The following ZFYVE9 variants were observed in gnomAD, a reference collection of about 807,000 sequenced individuals.
ZFYVE9 encodes zinc finger FYVE domain-containing protein 9.
A neutral mutation model predicts 126.7 loss-of-function variants in ZFYVE9; 43 were observed. The observed-to-expected ratio is 0.34, with a 90% confidence interval of 0.27 to 0.44. The LOEUF (loss-of-function observed/expected upper bound fraction) is 0.44, where lower values mean the gene tolerates loss of function less well. Among genes scored for constraint, ZFYVE9 ranks in the 20% least tolerant of loss-of-function variants. The pLI is 1.00. For synonymous variants in ZFYVE9, 521 were observed against 597.4 expected (o/e 0.87, Z 1.87); for missense variants, 1,476 against 1,697.0 (o/e 0.87, Z 2.29).
chr1:52,176,083 A>G (rs561273585), intron 1 of ZFYVE9, among the ~76,000 whole-genome samples: 2 of 152,030 alleles, frequency 1.3e-5, no homozygotes, highest in East Asian at 1.9e-4. Context: ...TGCTTTTTAG[A>G]GTTTCCAGTT....
intron 10 of ZFYVE9, among the ~76,000 whole-genome samples, chr1:52,286,156 C>CAAA (rs370860277): frequency 1.1e-5 from 1 of 90,596 alleles, no homozygotes; most frequent in African/African-American, 4.2e-5. Context: ...GACTCTGTCT[C>CAAA]AAAAAAAAAA....
chr1:52,217,120 C>T lies in ZFYVE9; in HGVS notation c.-37+646C>T, dbSNP rs11586000. On this transcript the variant is annotated intron_variant, in intron 2 of 18. Transcript: ENST00000287727. ...TACTTCTGCAGAAGGGTGCTGCTTGCACCTATTACAAATGCAAGAGCACAC... is the reference window on the plus strand; with the variant it reads ...TACTTCTGCAGAAGGGTGCTGCTTGTACCTATTACAAATGCAAGAGCACAC... 7.4e-3 allele frequency among the ~76,000 whole-genome samples: 1,134 copies of T among 152,294 alleles called. 11 individuals are homozygous for T. Among genetic ancestry groups the T allele is most frequent in the Non-Finnish European group, 9.6e-3 (655 of 68,020 alleles).
At chr1:52,229,267 CAAG>C (rs1197123758) in intron 2 of ZFYVE9, among the ~76,000 whole-genome samples, 11 of 152,266 alleles carry the variant, frequency 7.2e-5, no homozygotes, top group African/African-American at 2.6e-4. Context: ...AATGTTTTGG[CAAG>C]AATACTGTAT....
chr1:52,317,707 T>G (rs930654347), intron 13 of ZFYVE9, among the ~76,000 whole-genome samples: 19 of 152,130 alleles, frequency 1.2e-4, no homozygotes, highest in African/African-American at 4.6e-4. Flanking sequence ...TTAGACTGAT[T>G]AGATAGGGAA....
intron 13 of ZFYVE9, among the ~76,000 whole-genome samples, chr1:52,319,948 G>A (rs1646222948): frequency 6.7e-6 from 1 of 150,162 alleles, no homozygotes; most frequent in South Asian, 2.1e-4. Context: ...GGGAGGCAGA[G>A]GTTGCAGTGA....
intron 13 of ZFYVE9, among the ~76,000 whole-genome samples, chr1:52,311,797 T>A (rs1386505943): frequency 6.6e-6 from 1 of 152,068 alleles, no homozygotes; most frequent in Admixed American, 6.5e-5. Flanking sequence ...TTTTATTTAT[T>A]TATTTTTTTT....
At chr1:52,287,227 A>G (rs959473251) in intron 10 of ZFYVE9, among the ~76,000 whole-genome samples, 1 of 151,942 alleles carries the variant, frequency 6.6e-6, no homozygotes, top group Non-Finnish European at 1.5e-5. Context: ...TTAGCTCCCA[A>G]GTAGCTCCCA....
intron 1 of ZFYVE9, among the ~76,000 whole-genome samples, chr1:52,184,549 AAAATAATTTTG>A (rs1360840865): frequency 6.8e-6 from 1 of 146,816 alleles, no homozygotes; most frequent in Non-Finnish European, 1.5e-5. Context: ...TCTGGCCAGG[AAAATAATTTTG>A]AAGTCAGCCT....
intron 13 of ZFYVE9, among the ~76,000 whole-genome samples, chr1:52,309,113 C>T (rs778659016): frequency 3.9e-5 from 6 of 152,172 alleles, no homozygotes; most frequent in Admixed American, 6.5e-5. Flanking sequence ...AGGAGATGTT[C>T]GTAAATGTTC....
intron 5 of ZFYVE9, 134 bp from the exon 6 acceptor site, chr1:52,266,521 C>A (rs1645635544): frequency 3.2e-6 from 2 of 634,670 alleles, no homozygotes; most frequent in Non-Finnish European, 4.8e-6. Context: ...CTCTTTAATA[C>A]CTTCACTAGG....
chr1:52,263,753 T>TG lies in ZFYVE9; in HGVS notation c.2179-20_2179-19insG. 1.0e-4 allele frequency: 71 copies of TG among 713,074 alleles called. No individual in the cohort carries two copies. Among genetic ancestry groups the TG allele is most frequent in the Non-Finnish European group, 1.2e-4 (61 of 490,698 alleles). 44.2% of individuals were successfully genotyped at this position (713,074 alleles called of 1,614,324 possible). A position where few individuals can be genotyped will look rare whatever the true frequency, so the allele number is the denominator to read the frequency against. On this transcript the variant is annotated intron_variant, in intron 4 of 18. Transcript: ENST00000287727. ...ATCCCAAGTAAATTTTGTGTGTTCTTCCCCCCCCCCCCCCCACAGGTTTTC... is the reference window on the plus strand; with the variant it reads ...ATCCCAAGTAAATTTTGTGTGTTCTTGCCCCCCCCCCCCCCCACAGGTTTTC...
chr1:52,288,339 G>A (rs1645883398), intron 10 of ZFYVE9, among the ~76,000 whole-genome samples: 1 of 152,152 alleles, frequency 6.6e-6, no homozygotes, highest in East Asian at 1.9e-4. Context: ...CTGTCACCCA[G>A]GCTGTGTAGC....
chr1:52,332,994 G>GT (rs1646356484), intron 14 of ZFYVE9, 76 bp downstream of exon 14: 10 of 1,552,784 alleles, frequency 6.4e-6, no homozygotes, highest in Non-Finnish European at 8.8e-6. Flanking sequence ...CCTCAGTCCC[G>GT]TAACACTCAC....
At chr1:52,199,686 G>A (rs1644905480) in intron 1 of ZFYVE9, among the ~76,000 whole-genome samples, 1 of 152,204 alleles carries the variant, frequency 6.6e-6, no homozygotes, top group South Asian at 2.1e-4. Flanking sequence ...GCTCCTTTGT[G>A]TAAATACTGA....
At chr1:52,272,673 C>CTT (rs58857376) in intron 7 of ZFYVE9, among the ~76,000 whole-genome samples, 3,599 of 121,184 alleles carry the variant, frequency 0.03, 338 homozygotes, top group African/African-American at 0.11. Flanking sequence ...TAGAAATAAT[C>CTT]TTTTTTTTTT....
chr1:52,162,231 G>T, intron 1 of ZFYVE9: 1 of 266,554 alleles, frequency 3.8e-6, no homozygotes, highest in South Asian at 5.6e-5. Flanking sequence ...GATCTGTATC[G>T]ACTATAATAA....
chr1:52,210,888 C>T (rs981231662), intron 1 of ZFYVE9, among the ~76,000 whole-genome samples: 3 of 152,202 alleles, frequency 2.0e-5, no homozygotes, highest in Non-Finnish European at 4.4e-5. Flanking sequence ...CTTCTGATCT[C>T]AGGTAATCTG....
At chr1:52,172,807 G>C (rs1176992664) in intron 1 of ZFYVE9, among the ~76,000 whole-genome samples, 3 of 151,468 alleles carry the variant, frequency 2.0e-5, no homozygotes, top group Non-Finnish European at 4.4e-5. Flanking sequence ...CTGTTTGTCT[G>C]TTATTGGTGT....
At chr1:52,334,814 G>A (rs767868399) in intron 15 of ZFYVE9, 46 bp downstream of exon 15, 1 of 1,572,038 alleles carries the variant, frequency 6.4e-7, no homozygotes. Flanking sequence ...CTGAACTTAT[G>A]TACATAAAGG....
Sources: allele counts gnomAD v4.1 joint callset (sites outside exome capture counted in the v4.1 genomes callset), GRCh38; gene constraint gnomAD v4.1.1; transcripts MANE v1.5; gene names NCBI Gene and HGNC (gene_info 2026-07-23, HGNC 2026-07-21).